Variants in DMD observed in about 807,000 individuals in gnomAD.
The protein encoded by DMD is dystrophin, also known as mutant dystrophin.
DMD carries 63 observed loss-of-function variants against 330.1 expected under a neutral mutation model. The observed-to-expected ratio is 0.19, with a 90% CI of 0.16 to 0.24. DMD has a LOEUF of 0.24. DMD is among the 10% of genes least tolerant of loss of function. The pLI, the probability that DMD is intolerant of heterozygous loss-of-function variation, is 1.00. For missense variants in DMD, 3,344 were observed against 2,684.1 expected, an observed-to-expected ratio of 1.25 and a Z score of -5.43; for synonymous variants, 1,223 against 959.8, an observed-to-expected ratio of 1.27 and a Z score of -5.07.
chrX:32,956,928 T>A (rs1340900399), intron 2 of DMD, among the ~76,000 whole-genome samples: 2 of 111,988 alleles, frequency 1.8e-5, no homozygotes, highest in African/African-American at 6.5e-5. Context: ...AAATATTTAG[T>A]GGACAAAGGG....
chrX:32,157,952 G>A, intron 44 of DMD, among the ~76,000 whole-genome samples: 1 of 112,123 alleles, frequency 8.9e-6, no homozygotes, highest in South Asian at 3.7e-4. Context: ...AATTAGAATT[G>A]AAAGATAATG....
rs181495077 is a variant in DMD at position 31,242,022 on chromosome X, C to T, written c.9287-18901G>A. On this transcript the variant is annotated intron_variant, in intron 63 of 78. Coordinates refer to ENST00000357033, the MANE Select transcript of DMD (RefSeq NM_004006.3). The stretch of plus-strand genomic sequence containing the variant: ...TTGTAATCCCAGCACTTTAGGAAGC[C>T]GAGATGGGCAGATGGCTTGAGCTCA... Among the ~76,000 whole-genome samples the T allele has an allele frequency of 5.0e-3, 547 of 109,793 alleles. 1 individual carries two copies. The highest frequency in any genetic ancestry group is 5.5e-3 in the African/African-American group (165 of 30,194).
intron 1 of DMD, among the ~76,000 whole-genome samples, chrX:33,172,996 A>C (rs1054693733): frequency 3.6e-5 from 4 of 111,470 alleles, no homozygotes; most frequent in South Asian, 7.4e-4. Flanking sequence ...TTACTTAACA[A>C]ATTTTTTTTA....
chrX:31,496,829 C>T lies in DMD; in HGVS notation c.8506G>A (p.Gly2836Ser), dbSNP rs1455291550. 3 of 1,210,906 alleles carry T rather than the reference C, an allele frequency of 2.5e-6. No homozygotes were observed. In the African/African-American group the frequency reaches 5.2e-5, roughly 21 times the overall value. Residue 2836 changes from glycine to serine, a missense_variant, in exon 57 of 79, where the codon GGC becomes AGC. Coordinates refer to ENST00000357033, the MANE Select transcript of DMD (RefSeq NM_004006.3). ...TGCTTCTGAACTGCTGGAAAGTCGCCTCCAATAGGTGCCTGCCGGCTTAAT... is the reference window on the plus strand; with the variant it reads ...TGCTTCTGAACTGCTGGAAAGTCGCTTCCAATAGGTGCCTGCCGGCTTAAT... ...DELSRQAPIGGDFPAVQKQND... is the reference protein window; with the variant it reads ...DELSRQAPIGSDFPAVQKQND...
At chrX:32,642,528 G>A (rs780962503) in intron 11 of DMD, among the ~76,000 whole-genome samples, 1 of 111,954 alleles carries the variant, frequency 8.9e-6, no homozygotes, top group Non-Finnish European at 1.9e-5. Flanking sequence ...CAGAAGTCTA[G>A]GTGTCTGTCA....
intron 37 of DMD, among the ~76,000 whole-genome samples, chrX:32,356,843 TACA>T (rs1396086205): frequency 8.0e-5 from 9 of 112,021 alleles, no homozygotes; most frequent in African/African-American, 2.3e-4. Context: ...AGCTAAGTAT[TACA>T]ACAATAAAAA....
chrX:33,322,951 C>T (rs1008671915), intron 1 of DMD, among the ~76,000 whole-genome samples: 7 of 110,812 alleles, frequency 6.3e-5, no homozygotes, highest in African/African-American at 1.6e-4. Context: ...CTGAAAGTGG[C>T]CTCAAACATT....
chrX:32,616,708 TTTTTTTTCTTTA>T (rs1208177920), intron 11 of DMD, among the ~76,000 whole-genome samples: 3 of 87,079 alleles, frequency 3.4e-5, no homozygotes, highest in South Asian at 4.9e-4. Flanking sequence ...TTTTTTTTTT[TTTTTTTTCTTTA>T]AAGAATGTTA....
chrX:33,315,351 T>C (rs1879066092), intron 1 of DMD, among the ~76,000 whole-genome samples: 1 of 112,398 alleles, frequency 8.9e-6, no homozygotes, highest in African/African-American at 3.2e-5. Flanking sequence ...TTTATTTTAA[T>C]AATGTATGGT....
At chrX:32,614,947 C>A (rs1390371954) in intron 11 of DMD, among the ~76,000 whole-genome samples, 2 of 110,287 alleles carry the variant, frequency 1.8e-5, no homozygotes, top group African/African-American at 6.6e-5. Flanking sequence ...TATAAAAGAA[C>A]TGGCAGCATT....
At chrX:32,459,244 G>A (rs1219589641) in intron 25 of DMD, among the ~76,000 whole-genome samples, 1 of 110,941 alleles carries the variant, frequency 9.0e-6, no homozygotes, top group Non-Finnish European at 1.9e-5. Flanking sequence ...CTTGAATGTG[G>A]TAATAAGTCT....
At chrX:31,504,571 T>A (rs1026959978) in intron 56 of DMD, among the ~76,000 whole-genome samples, 1 of 111,517 alleles carries the variant, frequency 9.0e-6, no homozygotes, top group Non-Finnish European at 1.9e-5. Context: ...ATAACCCCCA[T>A]GGAAGAAGTG....
chrX:31,374,549 A>C (rs2059780337), intron 60 of DMD, among the ~76,000 whole-genome samples: 1 of 106,854 alleles, frequency 9.4e-6, no homozygotes, highest in Non-Finnish European at 1.9e-5. Flanking sequence ...GGAAATCATC[A>C]TTCTCAGTAA....
Position 33,286,792 on chromosome X carries a change from T to G in DMD, c.7+52467A>C, listed in dbSNP as rs562428523. 3.4e-4 allele frequency among the ~76,000 whole-genome samples: 38 copies of G among 112,546 alleles called. No homozygotes were observed. The South Asian group carries it at 0.014, about 41-fold the overall frequency. On this transcript the variant is annotated intron_variant, in intron 1 of 17. Coordinates refer to the DMD transcript ENST00000288447. Reference sequence around the variant, plus strand: ...CTGTTCAGCCTCTAATTGTATTATATAGCTCTTCTTGCATGCAGGTGTGGT... The same window carrying G: ...CTGTTCAGCCTCTAATTGTATTATAGAGCTCTTCTTGCATGCAGGTGTGGT...
intron 1 of DMD, among the ~76,000 whole-genome samples, chrX:33,265,599 A>G (rs187911895): frequency 9.8e-4 from 109 of 111,661 alleles, no homozygotes; most frequent in African/African-American, 3.3e-3. Flanking sequence ...TTAAATTCCA[A>G]TATCCCATTC....
chrX:32,946,006 C>T (rs953689901), intron 2 of DMD, among the ~76,000 whole-genome samples: 13 of 111,001 alleles, frequency 1.2e-4, no homozygotes, highest in African/African-American at 4.2e-4. Flanking sequence ...ATTATAAGGG[C>T]TTTAGAACAT....
chrX:31,638,351 C>A (rs1245974110), intron 54 of DMD, among the ~76,000 whole-genome samples: 1 of 111,593 alleles, frequency 9.0e-6, no homozygotes, highest in South Asian at 3.8e-4. Context: ...GTTTGATGGG[C>A]CTCCTCTCTG....
At chrX:32,846,306 A>G (rs1469073536) in intron 3 of DMD, among the ~76,000 whole-genome samples, 1 of 111,856 alleles carries the variant, frequency 8.9e-6, no homozygotes, top group Non-Finnish European at 1.9e-5. Flanking sequence ...CTGTGTCTGT[A>G]GAGCCCCAGT....
rs1278592549 is a variant in DMD, at chrX:32,684,291, C to T, written c.960+13579G>A. On this transcript the variant is annotated intron_variant, in intron 9 of 78. Coordinates refer to ENST00000357033, the MANE Select transcript of DMD (RefSeq NM_004006.3). The stretch of plus-strand genomic sequence containing the variant: ...ATATATACTCTATTTGAAAACTTTG[C>T]TTATAATCTAACCATGTATCAGTGC... 5.4e-5 allele frequency among the ~76,000 whole-genome samples: 6 copies of T among 111,471 alleles called. No individual in the cohort carries two copies. In the Admixed American group the frequency reaches 5.7e-4, roughly 11 times the overall value.
Sources: gnomAD v4.1 joint callset for allele counts (sites outside exome capture counted in the v4.1 genomes callset) on GRCh38, gnomAD v4.1.1 for gene constraint, MANE v1.5 for transcripts, NCBI Gene and HGNC (gene_info 2026-07-23, HGNC 2026-07-21) for gene names.